Variants in UNC79 observed in about 807,000 individuals in gnomAD.
UNC79 encodes the protein unc-79 subunit of NALCN channel complex.
A neutral mutation model predicts 283.1 loss-of-function variants in UNC79; 37 were observed. That is an observed-to-expected ratio of 0.13 (90% CI 0.10 to 0.17). The LOEUF is 0.17. Among genes scored for constraint, UNC79 ranks in the 10% least tolerant of loss-of-function variants. The pLI, the probability that UNC79 is intolerant of heterozygous loss-of-function variation, is 1.00. For missense variants in UNC79, 2,272 were observed against 3,211.1 expected, an observed-to-expected ratio of 0.71 and a Z score of 7.07; for synonymous variants, 1,107 against 1,200.2, an observed-to-expected ratio of 0.92 and a Z score of 1.61.
chr14:93,361,160 T>C (rs2054212377), intron 1 of UNC79, among the ~76,000 whole-genome samples: 2 of 132,004 alleles, frequency 1.5e-5, no homozygotes, highest in African/African-American at 3.0e-5. Flanking sequence ...TGCAGTGAGC[T>C]GAAATCATGC....
chr14:93,707,007 C>A, downstream of UNC79: 3 of 1,342,492 alleles, frequency 2.2e-6, no homozygotes, highest in Non-Finnish European at 3.1e-6. Context: ...TGGTACTGTA[C>A]ATTCTCTTTC....
At chr14:93,362,031 T>C (rs1055296968) in intron 1 of UNC79, among the ~76,000 whole-genome samples, 2 of 152,224 alleles carry the variant, frequency 1.3e-5, no homozygotes, top group African/African-American at 2.4e-5. Context: ...ATCTCAGGAA[T>C]AAAACCTACA....
chr14:93,336,345 AT>A (rs978706538), intron 1 of UNC79, among the ~76,000 whole-genome samples: 104 of 149,094 alleles, frequency 7.0e-4, no homozygotes, highest in African/African-American at 1.7e-3. Flanking sequence ...TCAATTTTCA[AT>A]TTTTTTTTTT....
At chr14:93,565,538 G>C (rs1885756) in intron 14 of UNC79, among the ~76,000 whole-genome samples, 131,473 of 152,222 alleles carry the variant, frequency 0.86, 56,875 homozygotes, top group East Asian at 0.94. Context: ...CTTACAGGTC[G>C]AAGTGTATTC....
At chr14:93,377,788 A>G (rs539360613) in intron 1 of UNC79, among the ~76,000 whole-genome samples, 1 of 152,278 alleles carries the variant, frequency 6.6e-6, no homozygotes, top group African/African-American at 2.4e-5. Context: ...TTGCACGAAG[A>G]TGTGTATTGA....
exon 38 of UNC79, chr14:93,655,324 G>T: frequency 1.2e-6 from 2 of 1,614,118 alleles, no homozygotes; most frequent in Non-Finnish European, 1.7e-6. Flanking sequence ...TTTGCCTATG[G>T]ATTCTCCTAG....
At chr14:93,706,600 T>C in intron 48 of UNC79, 104 bp from the exon 52 acceptor site, 4 of 1,356,814 alleles carry the variant, frequency 2.9e-6, no homozygotes, top group Non-Finnish European at 3.1e-6. Context: ...CAGACAACCC[T>C]TGAGCCAAGC....
At chr14:93,423,417 C>G (rs1362373412) in intron 1 of UNC79, among the ~76,000 whole-genome samples, 1 of 152,074 alleles carries the variant, frequency 6.6e-6, no homozygotes, top group Non-Finnish European at 1.5e-5. Flanking sequence ...CTATCTTAAG[C>G]AAAAGGAACA....
At chr14:93,461,535 T>G (rs561460704) in intron 1 of UNC79, among the ~76,000 whole-genome samples, 1 of 152,292 alleles carries the variant, frequency 6.6e-6, no homozygotes, top group South Asian at 2.1e-4. Context: ...GTTTTAACAG[T>G]TGGCCTTCTG....
chr14:93,343,601 G>A (rs1195030596), intron 1 of UNC79, among the ~76,000 whole-genome samples: 1 of 152,074 alleles, frequency 6.6e-6, no homozygotes, highest in Non-Finnish European at 1.5e-5. Context: ...TCTTGAATCA[G>A]AATTAAACAT....
intron 38 of UNC79, among the ~76,000 whole-genome samples, chr14:93,657,780 C>T (rs767605358): frequency 5.3e-5 from 8 of 152,132 alleles, no homozygotes; most frequent in Non-Finnish European, 8.8e-5. Flanking sequence ...TCAACCTGCC[C>T]ATAGGGACCC....
At chr14:93,576,030 C>T (rs950783130) in intron 17 of UNC79, among the ~76,000 whole-genome samples, 1 of 152,190 alleles carries the variant, frequency 6.6e-6, no homozygotes, top group African/African-American at 2.4e-5. Context: ...AGCTGCTAAC[C>T]ATCTGTACTT....
At chr14:93,398,024 T>C (rs1036774387) in intron 1 of UNC79, among the ~76,000 whole-genome samples, 1 of 152,184 alleles carries the variant, frequency 6.6e-6, no homozygotes, top group Non-Finnish European at 1.5e-5. Flanking sequence ...TTTTGACAAA[T>C]TTTGCCAGTT....
Position 93,582,631 on chromosome 14 carries a change from G to C in UNC79, c.2803+287G>C, listed in dbSNP as rs150571714. On this transcript the variant is annotated intron_variant, in intron 20 of 48. Transcript: ENST00000555664. ...AGGTATTCTCTGTGGACCAAGGCTG[G>C]GTGCTGACAATCTTGACAGCCACTC... Among the ~76,000 whole-genome samples, 19 of 152,264 alleles carry C rather than the reference G, an allele frequency of 1.2e-4. No individual in the cohort carries two copies. The East Asian group carries it at 3.7e-3, about 29-fold the overall frequency.
At chr14:93,577,456 A>T (rs1222295041) in intron 17 of UNC79, among the ~76,000 whole-genome samples, 7 of 152,214 alleles carry the variant, frequency 4.6e-5, no homozygotes. Flanking sequence ...AATCAGGTCA[A>T]CCTGAGATTC....
At chr14:93,337,835 C>A (rs2139868513) in intron 1 of UNC79, among the ~76,000 whole-genome samples, 1 of 152,242 alleles carries the variant, frequency 6.6e-6, no homozygotes, top group Non-Finnish European at 1.5e-5. Flanking sequence ...CCTGGTGTTT[C>A]CAAGCTTTTG....
chr14:93,623,824 C>G (rs959864516), intron 30 of UNC79, among the ~76,000 whole-genome samples: 1 of 152,096 alleles, frequency 6.6e-6, no homozygotes, highest in Non-Finnish European at 1.5e-5. Context: ...ACCTGGGAGG[C>G]GGAGGTTACA....
chr14:93,387,434 A>G (rs2054801137), intron 1 of UNC79, among the ~76,000 whole-genome samples: 2 of 151,912 alleles, frequency 1.3e-5, no homozygotes, highest in African/African-American at 2.4e-5. Flanking sequence ...TTGGTATGCT[A>G]TGTTGCCATT....
At chr14:93,348,836 ATGT>A (rs752278208) in intron 1 of UNC79, among the ~76,000 whole-genome samples, 1 of 152,190 alleles carries the variant, frequency 6.6e-6, no homozygotes, top group Non-Finnish European at 1.5e-5. Flanking sequence ...TCTTGAAGTG[ATGT>A]TGTGGAAATA....
Sources: gnomAD v4.1 joint callset for allele counts (sites outside exome capture counted in the v4.1 genomes callset) on GRCh38, gnomAD v4.1.1 for gene constraint, MANE v1.5 for transcripts, NCBI Gene and HGNC (gene_info 2026-07-23, HGNC 2026-07-21) for gene names.